The following SOD2 variants were observed in gnomAD, a reference collection of about 807,000 sequenced individuals.
SOD2 encodes superoxide dismutase 2, also known as superoxide dismutase [Mn], mitochondrial.
A neutral mutation model predicts 27.0 loss-of-function variants in SOD2; 11 were observed. The observed-to-expected ratio is 0.41, with a 90% CI of 0.26 to 0.67. The LOEUF is 0.67. SOD2 is among the 30% of genes least tolerant of loss of function. The probability of loss-of-function intolerance (pLI) is 0.34; values close to 1 mark genes in which losing one functional copy is unlikely to be tolerated. For missense variants in SOD2, 250 were observed against 274.5 expected, an observed-to-expected ratio of 0.91 and a Z score of 0.63; for synonymous variants, 105 against 103.0, an observed-to-expected ratio of 1.02 and a Z score of -0.12.
chr6:159,748,504 C>T (rs117080829), upstream of SOD2: 88,995 of 1,472,746 alleles, frequency 0.06, 3,031 homozygotes, highest in Non-Finnish European at 0.07. The surrounding 1 kb of genome is among the most constrained non-coding windows in gnomAD (Gnocchi z 5.6). Flanking sequence ...CATTCTTACA[C>T]TGTCCAGCTT....
chr6:159,712,701 G>GACCTCCATAACC (rs1442209487), intron 1 of SOD2: 1 of 361,010 alleles, frequency 2.8e-6, no homozygotes, highest in Non-Finnish European at 5.5e-6. Flanking sequence ...CAGCTGCTCT[G>GACCTCCATAACC]ACCTCCATAA....
exon 1 of SOD2, chr6:159,762,005 C>T (rs899545171): frequency 1.9e-6 from 3 of 1,541,712 alleles, no homozygotes; most frequent in Admixed American, 3.6e-5. Flanking sequence ...TCAGGTCCCG[C>T]CCGCGGCAGG....
Position 159,678,233 on chromosome 6 carries a change from A to G in SOD2, c.*4260T>C, listed in dbSNP as rs1034914634. 1 of 152,208 alleles carries G rather than the reference A, an allele frequency of 6.6e-6. No individual in the cohort carries two copies. The highest frequency in any genetic ancestry group is 2.4e-5 in the African/African-American group (1 of 41,426). The allele number at this position is 152,208 out of a possible 1,614,324, so 9.4% of individuals were successfully genotyped here. On this transcript the variant is annotated 3_prime_UTR_variant, in exon 5 of 5. Transcript: ENST00000538183. ...TGGCTGTTCATCTGTATTCTTTGAA[A>G]TATCCTTTACAAGCCAGAGGCAATG...
chr6:159,730,578 C>T (rs1346271650), upstream of SOD2, among the ~76,000 whole-genome samples: 5 of 152,216 alleles, frequency 3.3e-5, no homozygotes, highest in African/African-American at 1.2e-4. Context: ...TGAACCTGTT[C>T]TAATTTGCCT....
intron 1 of SOD2, among the ~76,000 whole-genome samples, chr6:159,711,488 CCACTCACATTGCTCTGAT>C (rs1777763222): frequency 9.7e-6 from 1 of 103,068 alleles, no homozygotes; most frequent in Non-Finnish European, 2.1e-5. Flanking sequence ...TCCACAACCA[CCACTCACATTGCTCTGAT>C]CACCATAACC....
At chr6:159,728,481 C>A (rs1020377942), upstream of SOD2, among the ~76,000 whole-genome samples, 3 of 152,130 alleles carry the variant, frequency 2.0e-5, no homozygotes, top group African/African-American at 7.2e-5. Flanking sequence ...GAGTATGTTA[C>A]AATTGGAAGT....
At position 159,675,499 on chromosome 6, in the gene SOD2, AGGATTCCCTATT is replaced by A. The variant is rs1779758461; in HGVS notation, c.*6982_*6993del. On this transcript the variant is annotated 3_prime_UTR_variant, in exon 5 of 5. Coordinates refer to ENST00000538183, the MANE Select transcript of SOD2 (RefSeq NM_000636.4). ...CCTGACAAAAACAAGAAATGGGGAA[AGGATTCCCTATT>A]TAATAAATGGTGCTGGGAAAACTGG... 6.6e-6 allele frequency: 1 copy of A among 152,246 alleles called. No homozygotes were observed. The highest frequency in any genetic ancestry group is 1.5e-5 in the Non-Finnish European group (1 of 68,044). 9.4% of individuals were successfully genotyped at this position (152,246 alleles called of 1,614,324 possible).
chr6:159,692,700 T>A lies in SOD2; in HGVS notation c.187A>T (p.Asn63Tyr). The change falls in exon 2 of 5, where the codon AAC (asparagine) becomes TAC (tyrosine). Residue 63 changes from asparagine to tyrosine, a missense_variant. Coordinates refer to ENST00000538183, the MANE Select transcript of SOD2 (RefSeq NM_000636.4). ...TCCTGGTACTTCTCCTCGGTGACGTTCAGGTTGTTCACGTAGGCCGCGTGG... is the reference window on the plus strand; with the variant it reads ...TCCTGGTACTTCTCCTCGGTGACGTACAGGTTGTTCACGTAGGCCGCGTGG... The part of the protein sequence containing the change: ...KHHAAYVNNL[N>Y]VTEEKYQEAL... 1 of 1,614,062 alleles carries A rather than the reference T, an allele frequency of 6.2e-7. No individual in the cohort carries two copies. Among genetic ancestry groups the A allele is most frequent in the Non-Finnish European group, 8.5e-7 (1 of 1,180,006 alleles).
At chr6:159,725,186 A>T (rs1778128124) in intron 1 of SOD2, among the ~76,000 whole-genome samples, 1 of 152,152 alleles carries the variant, frequency 6.6e-6, no homozygotes, top group Admixed American at 6.5e-5. Flanking sequence ...CTGTGTTCAA[A>T]AGCTCAGAGG....
At chr6:159,741,999 A>T (rs948082337) in intron 1 of SOD2, 8 of 938,632 alleles carry the variant, frequency 8.5e-6, no homozygotes, top group Non-Finnish European at 1.3e-5. Context: ...GCTCAGTATT[A>T]CTAAAATCTG....
At position 159,680,320 on chromosome 6, in the gene SOD2, C is replaced by T. The variant is rs773998270; in HGVS notation, c.*2173G>A. On this transcript the variant is annotated 3_prime_UTR_variant, in exon 5 of 5. Coordinates refer to ENST00000538183, the MANE Select transcript of SOD2 (RefSeq NM_000636.4). The stretch of plus-strand genomic sequence containing the variant: ...AGGCAAGCAGTAATCTTACATGACA[C>T]ATAAAAGCTGTTTCACTGTGACACA... 4.6e-5 allele frequency: 7 copies of T among 152,106 alleles called. No individual in the cohort carries two copies. The highest frequency in any genetic ancestry group is 1.0e-4 in the Non-Finnish European group (7 of 68,036). The allele number at this position is 152,106 out of a possible 1,614,324, so 9.4% of individuals were successfully genotyped here.
intron 1 of SOD2, among the ~76,000 whole-genome samples, chr6:159,700,700 TTTCC>T (rs1308292322): frequency 6.6e-6 from 1 of 152,050 alleles, no homozygotes. Context: ...TGTGGCATGT[TTTCC>T]AACTCCCATT....
At chr6:159,712,881 T>C (rs1777855472) in intron 1 of SOD2, 3 of 640,000 alleles carry the variant, frequency 4.7e-6, no homozygotes, top group Non-Finnish European at 8.9e-6. Flanking sequence ...TCTACATAGG[T>C]GTGTTCATAA....
At position 159,670,020 on chromosome 6, in the gene SOD2, G is replaced by C. The variant is rs1779621372; in HGVS notation, c.*12473C>G. On this transcript the variant is annotated 3_prime_UTR_variant, in exon 5 of 5. Transcript: ENST00000538183. ...CCCAGGAGAATCACTTGTTTTTTGA[G>C]AGACAGGATCTCTTTCACCCAGACT... is the stretch of plus-strand genomic sequence containing the variant. The C allele has an allele frequency of 6.6e-6, 1 of 152,142 alleles. No individual in the cohort carries two copies. The highest frequency in any genetic ancestry group is 1.5e-5 in the Non-Finnish European group (1 of 68,024). 9.4% of individuals were successfully genotyped at this position (152,142 alleles called of 1,614,324 possible). A position where few individuals can be genotyped will look rare whatever the true frequency, so the allele number is the denominator to read the frequency against.
At chr6:159,741,186 T>C (rs76275885) in intron 1 of SOD2, among the ~76,000 whole-genome samples, 109 of 152,108 alleles carry the variant, frequency 7.2e-4, no homozygotes, top group African/African-American at 2.5e-3. Context: ...CTAGGAAAAA[T>C]CTTTATTGCT....
chr6:159,755,702 T>C, intron 1 of SOD2: 1 of 1,297,678 alleles, frequency 7.7e-7, no homozygotes, highest in Non-Finnish European at 9.8e-7. Context: ...ACAATTTGCC[T>C]TTTTGTGGGT....
At chr6:159,690,696 G>GT (rs1780419812) in intron 2 of SOD2, among the ~76,000 whole-genome samples, 1 of 151,728 alleles carries the variant, frequency 6.6e-6, no homozygotes, top group Non-Finnish European at 1.5e-5. Context: ...CTTTTCTATT[G>GT]TTTTTTAATA....
intron 1 of SOD2, among the ~76,000 whole-genome samples, chr6:159,705,432 T>C (rs1777606345): frequency 6.6e-6 from 1 of 152,142 alleles, no homozygotes; most frequent in South Asian, 2.1e-4. Context: ...TTAAAGGACC[T>C]GATGGAGCTG....
At chr6:159,707,307 T>C (rs1777645998) in intron 1 of SOD2, among the ~76,000 whole-genome samples, 2 of 151,786 alleles carry the variant, frequency 1.3e-5, no homozygotes, top group Admixed American at 1.3e-4. Flanking sequence ...AAAAAACCCT[T>C]CAAAAAAATC....
Sources: gnomAD v4.1 joint callset for allele counts (sites outside exome capture counted in the v4.1 genomes callset) on GRCh38, gnomAD v4.1.1 for gene constraint, Gnocchi (gnomAD v3.1) non-coding constraint, MANE v1.5 for transcripts, NCBI Gene and HGNC (gene_info 2026-07-23, HGNC 2026-07-21) for gene names.